TEAD1: variants seen among roughly 807,000 people sequenced by gnomAD.
TEAD1 encodes the protein TEA domain transcription factor 1, also known as transcriptional enhancer factor TEF-1.
A neutral mutation model predicts 54.9 loss-of-function variants in TEAD1; 9 were observed. The ratio of observed to expected loss-of-function variants is 0.16; its 90% confidence interval spans 0.10 to 0.29. The LOEUF (loss-of-function observed/expected upper bound fraction) is 0.29, where lower values mean the gene tolerates loss of function less well. TEAD1 is among the 10% of genes least tolerant of loss of function. The pLI is 1.00. For synonymous variants in TEAD1, 200 were observed against 187.8 expected (o/e 1.07, Z -0.53); for missense variants, 387 against 535.9 (o/e 0.72, Z 2.74).
chr11:12,771,733 A>C (rs1945315266), intron 3 of TEAD1, among the ~76,000 whole-genome samples: 1 of 152,198 alleles, frequency 6.6e-6, no homozygotes, highest in Admixed American at 6.5e-5. Context: ...TTGGAGCCTC[A>C]TCATCAGAGA....
At chr11:12,776,633 G>A (rs1042496632) in intron 3 of TEAD1, among the ~76,000 whole-genome samples, 1 of 151,560 alleles carries the variant, frequency 6.6e-6, no homozygotes, top group Admixed American at 6.6e-5. Context: ...GTGTTTGATC[G>A]GCTTGATAGT....
At chr11:12,702,444 A>T (rs965224337) in intron 2 of TEAD1, among the ~76,000 whole-genome samples, 4 of 152,130 alleles carry the variant, frequency 2.6e-5, no homozygotes, top group Non-Finnish European at 5.9e-5. Flanking sequence ...TACCGTAGCC[A>T]AGTTCATGGT....
chr11:12,861,984 CTT>C (rs72145575), intron 3 of TEAD1, among the ~76,000 whole-genome samples: 17,913 of 124,174 alleles, frequency 0.14, 1,389 homozygotes, highest in African/African-American at 0.23. Flanking sequence ...GAAACTCTGT[CTT>C]TTTTTTTTTT....
chr11:12,790,916 T>C (rs1336304638), intron 3 of TEAD1, among the ~76,000 whole-genome samples: 1 of 152,190 alleles, frequency 6.6e-6, no homozygotes, highest in Non-Finnish European at 1.5e-5. Flanking sequence ...GATGGTAATG[T>C]AAAATGGTGC....
At chr11:12,815,580 C>G (rs1379265646) in intron 3 of TEAD1, among the ~76,000 whole-genome samples, 8 of 152,058 alleles carry the variant, frequency 5.3e-5, no homozygotes, top group African/African-American at 1.9e-4. Context: ...GATGGTATGC[C>G]CCTCTTAACA....
chr11:12,730,164 G>A (rs1002261964), intron 2 of TEAD1, among the ~76,000 whole-genome samples: 25 of 152,140 alleles, frequency 1.6e-4, no homozygotes, highest in Admixed American at 5.9e-4. Flanking sequence ...CGGCCATGAC[G>A]TACCAGTCGC....
chr11:12,867,767 G>A (rs1159564571), intron 5 of TEAD1, among the ~76,000 whole-genome samples: 1 of 152,164 alleles, frequency 6.6e-6, no homozygotes, highest in Non-Finnish European at 1.5e-5. Context: ...TAGCTAGTGA[G>A]ATAAACTCGC....
chr11:12,747,357 A>G (rs1041433520), intron 2 of TEAD1, among the ~76,000 whole-genome samples: 24 of 151,878 alleles, frequency 1.6e-4, no homozygotes, highest in African/African-American at 5.3e-4. Context: ...ATTTTTTGAG[A>G]CGATGTCTTG....
chr11:12,928,620 C>T (rs767309890), intron 11 of TEAD1, among the ~76,000 whole-genome samples: 2 of 151,546 alleles, frequency 1.3e-5, no homozygotes, highest in Non-Finnish European at 2.9e-5. Context: ...TGAATGTACA[C>T]TAGTTTCATA....
At chr11:12,720,280 A>G (rs2133864803) in intron 2 of TEAD1, among the ~76,000 whole-genome samples, 1 of 152,226 alleles carries the variant, frequency 6.6e-6, no homozygotes, top group Non-Finnish European at 1.5e-5. Context: ...ATAACAGTTA[A>G]GGTCATGTGT....
intron 11 of TEAD1, among the ~76,000 whole-genome samples, chr11:12,929,151 T>G (rs1296079364): frequency 6.7e-6 from 1 of 149,476 alleles, no homozygotes; most frequent in African/African-American, 2.5e-5. Context: ...TGCTGTGTTT[T>G]CTTTGCTTTG....
intron 9 of TEAD1, among the ~76,000 whole-genome samples, chr11:12,897,051 G>A (rs57058299): frequency 0.03 from 4,498 of 152,260 alleles, 128 homozygotes; most frequent in East Asian, 0.12. Context: ...TGAGGAAATC[G>A]AGTCTTGGGC....
intron 3 of TEAD1, among the ~76,000 whole-genome samples, chr11:12,840,328 G>C (rs1248432664): frequency 6.6e-6 from 1 of 151,364 alleles, no homozygotes; most frequent in African/African-American, 2.4e-5. Flanking sequence ...ATGAGTCTGA[G>C]AGATGGATGT....
chr11:12,878,795 A>G (rs1010923521), intron 5 of TEAD1: 125 of 747,074 alleles, frequency 1.7e-4, no homozygotes, highest in Non-Finnish European at 2.4e-4. Flanking sequence ...ATATGTATAT[A>G]TACACATATA....
At chr11:12,931,468 T>C (rs1156477989) in intron 12 of TEAD1, among the ~76,000 whole-genome samples, 2 of 152,264 alleles carry the variant, frequency 1.3e-5, no homozygotes, top group African/African-American at 4.8e-5. Flanking sequence ...TTTATTCCTT[T>C]TTGTTACTAG....
chr11:12,870,344 A>T (rs925032957), intron 5 of TEAD1, among the ~76,000 whole-genome samples: 4 of 152,140 alleles, frequency 2.6e-5, no homozygotes, highest in Non-Finnish European at 4.4e-5. Context: ...TTCAGGACAT[A>T]TAGGGGATGG....
At chr11:12,860,770 A>G (rs1312134274) in intron 3 of TEAD1, among the ~76,000 whole-genome samples, 2 of 152,214 alleles carry the variant, frequency 1.3e-5, no homozygotes, top group Non-Finnish European at 1.5e-5. Flanking sequence ...TTTTACAACT[A>G]ACTATAAAGT....
At chr11:12,679,867 A>G (rs1284484002) in intron 2 of TEAD1, among the ~76,000 whole-genome samples, 3 of 152,172 alleles carry the variant, frequency 2.0e-5, no homozygotes, top group East Asian at 3.8e-4. Flanking sequence ...TAATAATTCA[A>G]TAGATCCGAA....
intron 2 of TEAD1, among the ~76,000 whole-genome samples, chr11:12,704,985 A>G (rs1046619446): frequency 4.9e-4 from 74 of 152,356 alleles, no homozygotes; most frequent in African/African-American, 1.4e-3. Flanking sequence ...TAGACATTCA[A>G]TGGCTATCTC....
Sources: allele counts gnomAD v4.1 joint callset (sites outside exome capture counted in the v4.1 genomes callset), GRCh38; gene constraint gnomAD v4.1.1; transcripts MANE v1.5; gene names NCBI Gene and HGNC (gene_info 2026-07-23, HGNC 2026-07-21).